MIPOL1: variants seen among roughly 807,000 people sequenced by gnomAD.
The protein encoded by MIPOL1 is mirror-image polydactyly gene 1 protein.
A neutral mutation model predicts 60.9 loss-of-function variants in MIPOL1; 57 were observed. The observed-to-expected ratio is 0.94, with a 90% CI of 0.76 to 1.17. The LOEUF (loss-of-function observed/expected upper bound fraction) is 1.17, where lower values mean the gene tolerates loss of function less well. Among genes scored for constraint, MIPOL1 ranks in the 50% most tolerant of loss-of-function variants. The probability of loss-of-function intolerance (pLI) is 0.00; values close to 1 mark genes in which losing one functional copy is unlikely to be tolerated. For missense variants in MIPOL1, 551 were observed against 511.6 expected (o/e 1.08, Z -0.74); for synonymous variants, 179 against 168.8 (o/e 1.06, Z -0.47).
At chr14:37,496,770 A>G (rs1307068342) in intron 11 of MIPOL1, among the ~76,000 whole-genome samples, 1 of 152,130 alleles carries the variant, frequency 6.6e-6, no homozygotes, top group African/African-American at 2.4e-5. Context: ...CAAGCTACCA[A>G]TGACTTTCTT....
chr14:37,438,480 T>C (rs1048532560), intron 11 of MIPOL1, among the ~76,000 whole-genome samples: 25 of 152,192 alleles, frequency 1.6e-4, no homozygotes, highest in African/African-American at 6.0e-4. Context: ...CCATCGACAG[T>C]GGCATAAATA....
intron 11 of MIPOL1, among the ~76,000 whole-genome samples, chr14:37,455,412 A>G (rs947765286): frequency 5.3e-5 from 8 of 152,136 alleles, no homozygotes; most frequent in Non-Finnish European, 8.8e-5. Flanking sequence ...AAACCATTCA[A>G]TAATAGTCTT....
chr14:37,282,554 A>G (rs2084203552), intron 6 of MIPOL1, among the ~76,000 whole-genome samples: 2 of 151,930 alleles, frequency 1.3e-5, no homozygotes, highest in African/African-American at 4.8e-5. Context: ...AGCCTGGCCA[A>G]CACAGTGAGA....
chr14:37,544,276 A>C (rs1478876031), intron 12 of MIPOL1, among the ~76,000 whole-genome samples: 1 of 152,222 alleles, frequency 6.6e-6, no homozygotes, highest in Non-Finnish European at 1.5e-5. Context: ...CATCCTTCTG[A>C]CTGAGAGAGG....
At chr14:37,296,132 A>C (rs1280209622) in intron 7 of MIPOL1, among the ~76,000 whole-genome samples, 2 of 152,244 alleles carry the variant, frequency 1.3e-5, no homozygotes, top group Non-Finnish European at 2.9e-5. Context: ...ATCAAACTAG[A>C]ACTCAGGATT....
chr14:37,223,563 C>T (rs1376411894), intron 1 of MIPOL1, among the ~76,000 whole-genome samples: 6 of 151,632 alleles, frequency 4.0e-5, no homozygotes, highest in South Asian at 2.1e-4. Flanking sequence ...AGTGCAATGG[C>T]GCGATCTCGG....
chr14:37,542,776 TC>T lies in MIPOL1; in HGVS notation c.1263-4128del, dbSNP rs1331386696. On this transcript the variant is annotated intron_variant, in intron 12 of 12. Coordinates refer to ENST00000684589, the MANE Select transcript of MIPOL1 (RefSeq NM_001388067.1). Reference sequence around the variant, plus strand: ...AGATCTGCTTTCCCACCTTACTGCTTCTTATGAGTAAGGACTATGTCCTGTT... The same window carrying T: ...AGATCTGCTTTCCCACCTTACTGCTTTTATGAGTAAGGACTATGTCCTGTT... Among the ~76,000 whole-genome samples, 4 of 152,310 alleles carry T rather than the reference TC, an allele frequency of 2.6e-5. No homozygotes were observed. In the East Asian group the frequency reaches 7.7e-4, roughly 29 times the overall value.
At chr14:37,492,754 T>G (rs538843837) in intron 11 of MIPOL1, among the ~76,000 whole-genome samples, 62 of 152,278 alleles carry the variant, frequency 4.1e-4, no homozygotes, top group African/African-American at 1.5e-3. Context: ...CTACACCAGT[T>G]TCAGCATTGT....
chr14:37,527,341 TATC>T (rs2095454277), intron 12 of MIPOL1, among the ~76,000 whole-genome samples: 1 of 152,124 alleles, frequency 6.6e-6, no homozygotes. Context: ...TTATTATTAT[TATC>T]ATTTATGATT....
At chr14:37,205,266 C>G (rs1204320631) in intron 1 of MIPOL1, among the ~76,000 whole-genome samples, 1 of 151,926 alleles carries the variant, frequency 6.6e-6, no homozygotes, top group African/African-American at 2.4e-5. Flanking sequence ...CCACGCCCAG[C>G]TAATTTTTTG....
At chr14:37,485,653 C>G (rs780977994) in intron 11 of MIPOL1, among the ~76,000 whole-genome samples, 2 of 152,050 alleles carry the variant, frequency 1.3e-5, no homozygotes, top group African/African-American at 2.4e-5. Context: ...CTGTTCATAT[C>G]CTTTGCCCAC....
At chr14:37,370,325 T>G (rs1361412384) in intron 10 of MIPOL1, among the ~76,000 whole-genome samples, 1 of 152,194 alleles carries the variant, frequency 6.6e-6, no homozygotes. Flanking sequence ...GTATAGTGCC[T>G]GTACACAGTA....
At chr14:37,473,622 G>A (rs1158156689) in intron 11 of MIPOL1, among the ~76,000 whole-genome samples, 1 of 152,108 alleles carries the variant, frequency 6.6e-6, no homozygotes, top group Non-Finnish European at 1.5e-5. Context: ...CACAATTAAG[G>A]AAGTAGCACA....
chr14:37,251,053 GT>G (rs987103571), intron 3 of MIPOL1, among the ~76,000 whole-genome samples: 5 of 151,168 alleles, frequency 3.3e-5, no homozygotes, highest in African/African-American at 7.3e-5. Context: ...ATAAACCCAA[GT>G]TTTTTTTTAT....
intron 12 of MIPOL1, among the ~76,000 whole-genome samples, chr14:37,538,556 T>C (rs2095516566): frequency 6.6e-6 from 1 of 152,202 alleles, no homozygotes; most frequent in Non-Finnish European, 1.5e-5. Flanking sequence ...GGGATAAATG[T>C]AAAAATCTTA....
chr14:37,526,909 C>T (rs981677266), intron 12 of MIPOL1, among the ~76,000 whole-genome samples: 2 of 152,056 alleles, frequency 1.3e-5, no homozygotes, highest in African/African-American at 4.8e-5. Context: ...TAAGAGAATG[C>T]TTATTTCTGT....
intron 9 of MIPOL1, among the ~76,000 whole-genome samples, chr14:37,351,224 C>G (rs2091340350): frequency 6.8e-6 from 1 of 146,464 alleles, no homozygotes; most frequent in Non-Finnish European, 1.5e-5. Context: ...CATGTCCCTA[C>G]CAAGGACATG....
At chr14:37,283,584 A>G (rs934810035) in intron 6 of MIPOL1, among the ~76,000 whole-genome samples, 1 of 152,246 alleles carries the variant, frequency 6.6e-6, no homozygotes, top group Non-Finnish European at 1.5e-5. Context: ...AATCAAAACC[A>G]CATTATTAAT....
In MIPOL1 at chr14:37,549,096, A is replaced by G. The variant is rs1020428017; in HGVS notation, c.*2125A>G. The stretch of plus-strand genomic sequence containing the variant: ...CAACAGTGTGTCAGATGGTCTTTAT[A>G]TATTTTTTCTGTATGAAGGAATAGC... On this transcript the variant is annotated 3_prime_UTR_variant, in exon 13 of 13. Transcript: ENST00000684589. The G allele has an allele frequency of 7.9e-5, 12 of 151,888 alleles. No individual in the cohort carries two copies. The highest frequency in any genetic ancestry group is 2.7e-4 in the African/African-American group (11 of 41,440). The allele number at this position is 151,888 out of a possible 1,614,324, so 9.4% of individuals were successfully genotyped here.
Sources: gnomAD v4.1 joint callset for allele counts (sites outside exome capture counted in the v4.1 genomes callset) on GRCh38, gnomAD v4.1.1 for gene constraint, MANE v1.5 for transcripts, NCBI Gene and HGNC (gene_info 2026-07-23, HGNC 2026-07-21) for gene names.